CNTNAP5: variants seen among roughly 807,000 people sequenced by gnomAD.
CNTNAP5 encodes contactin associated protein family member 5, also known as contactin-associated protein-like 5.
Under a neutral mutation model 150.2 loss-of-function variants are expected in CNTNAP5, and 72 were observed. The ratio of observed to expected loss-of-function variants is 0.48; its 90% CI spans 0.40 to 0.58. CNTNAP5 has a LOEUF of 0.58. Among genes scored for constraint, CNTNAP5 ranks in the 20% least tolerant of loss-of-function variants. The pLI is 0.00. For missense variants in CNTNAP5, 1,636 were observed against 1,626.2 expected (o/e 1.01, Z -0.10); for synonymous variants, 672 against 619.8 (o/e 1.08, Z -1.25).
At chr2:124,245,596 T>TGC (rs1309903424) in intron 3 of CNTNAP5, among the ~76,000 whole-genome samples, 11 of 151,500 alleles carry the variant, frequency 7.3e-5, no homozygotes, top group Non-Finnish European at 1.6e-4. Context: ...TGTGTGTGTG[T>TGC]GTGTAAATAT....
In CNTNAP5 at chr2:124,462,029, G is replaced by T. The variant is rs541768513; in HGVS notation, c.919-12710G>T. On this transcript the variant is annotated intron_variant, in intron 6 of 23. Coordinates refer to ENST00000682447, the MANE Select transcript of CNTNAP5 (RefSeq NM_001367498.1). ...ATTATGTATGGCATTTTAAAATTTT[G>T]TTTAACCACCCAAAACAGCCCTGTG... 2.6e-5 allele frequency among the ~76,000 whole-genome samples: 4 copies of T among 151,974 alleles called. No homozygotes were observed. The East Asian group carries it at 7.7e-4, about 29-fold the overall frequency.
intron 7 of CNTNAP5, among the ~76,000 whole-genome samples, chr2:124,488,447 G>A (rs143880078): frequency 2.0e-5 from 3 of 152,278 alleles, no homozygotes; most frequent in East Asian, 1.9e-4. Context: ...TACGTAACTA[G>A]CATGTGATAG....
chr2:124,086,116 TATC>T (rs1682683677), intron 1 of CNTNAP5, among the ~76,000 whole-genome samples: 1 of 152,014 alleles, frequency 6.6e-6, no homozygotes, highest in Non-Finnish European at 1.5e-5. Flanking sequence ...CTTTCAGTTC[TATC>T]GATAGAACTG....
At chr2:124,279,433 T>C (rs1256946227) in intron 3 of CNTNAP5, among the ~76,000 whole-genome samples, 1 of 151,960 alleles carries the variant, frequency 6.6e-6, no homozygotes, top group Non-Finnish European at 1.5e-5. Flanking sequence ...TAGTATGAGC[T>C]CATATAACAG....
intron 19 of CNTNAP5, among the ~76,000 whole-genome samples, chr2:124,849,933 C>T (rs556426150): frequency 2.9e-4 from 44 of 152,274 alleles, no homozygotes; most frequent in African/African-American, 1.0e-3. Context: ...AGTATGGCTG[C>T]TAACCTTCAG....
chr2:124,551,488 G>A (rs1695627161), intron 10 of CNTNAP5, among the ~76,000 whole-genome samples: 1 of 152,158 alleles, frequency 6.6e-6, no homozygotes, highest in East Asian at 1.9e-4. Context: ...GCGGTTGGCT[G>A]CTAATTAAAG....
intron 13 of CNTNAP5, among the ~76,000 whole-genome samples, chr2:124,698,334 G>T (rs1455440027): frequency 6.8e-6 from 1 of 147,088 alleles, no homozygotes; most frequent in Non-Finnish European, 1.5e-5. Flanking sequence ...AGATGCAACT[G>T]CAAAACTCAA....
chr2:124,570,239 A>C (rs1696120667), intron 11 of CNTNAP5, among the ~76,000 whole-genome samples: 1 of 152,262 alleles, frequency 6.6e-6, no homozygotes, highest in Non-Finnish European at 1.5e-5. Context: ...TTACTGTAGC[A>C]AGAGCATTGT....
intron 3 of CNTNAP5, among the ~76,000 whole-genome samples, chr2:124,299,341 A>G (rs181959880): frequency 6.6e-6 from 1 of 151,468 alleles, no homozygotes; most frequent in East Asian, 1.9e-4. Context: ...CCCTCCTCCC[A>G]CCCTCCACCC....
At chr2:124,899,363 T>A (rs777611728) in intron 21 of CNTNAP5, among the ~76,000 whole-genome samples, 5 of 151,506 alleles carry the variant, frequency 3.3e-5, no homozygotes, top group African/African-American at 9.8e-5. Context: ...AGACCTAATT[T>A]CCAACCTGTA....
intron 19 of CNTNAP5, among the ~76,000 whole-genome samples, chr2:124,859,427 G>A (rs1451470863): frequency 6.6e-6 from 1 of 152,204 alleles, no homozygotes; most frequent in Non-Finnish European, 1.5e-5. Context: ...TGGAGAGGAT[G>A]TGGAGAAATA....
chr2:124,736,938 T>C (rs1183122966), intron 13 of CNTNAP5, among the ~76,000 whole-genome samples: 1 of 152,066 alleles, frequency 6.6e-6, no homozygotes, highest in African/African-American at 2.4e-5. Flanking sequence ...CAATGGGGAA[T>C]ACATTATACA....
At chr2:124,751,416 T>A (rs1323221399) in intron 14 of CNTNAP5, among the ~76,000 whole-genome samples, 3 of 152,204 alleles carry the variant, frequency 2.0e-5, no homozygotes, top group Non-Finnish European at 2.9e-5. Context: ...GAGCTAGCTT[T>A]GTCTGTACAA....
intron 1 of CNTNAP5, among the ~76,000 whole-genome samples, chr2:124,040,214 A>C (rs1290592334): frequency 6.6e-6 from 1 of 152,210 alleles, no homozygotes; most frequent in Admixed American, 6.5e-5. Context: ...CCTCTTTCAC[A>C]TGGTTCTTTT....
chr2:124,673,001 AT>A (rs1240189627), intron 13 of CNTNAP5, among the ~76,000 whole-genome samples: 9 of 152,190 alleles, frequency 5.9e-5, no homozygotes, highest in African/African-American at 1.7e-4. Context: ...AACAGAAAAA[AT>A]ATTTAAGTGA....
intron 19 of CNTNAP5, among the ~76,000 whole-genome samples, chr2:124,833,317 G>A (rs1184328104): frequency 6.6e-6 from 1 of 152,072 alleles, no homozygotes; most frequent in Non-Finnish European, 1.5e-5. Context: ...AACAAAGTAT[G>A]AGATCTGAGA....
rs1008930206 is a variant in CNTNAP5, at chr2:124,409,978, G to A, written c.382-7465G>A. The stretch of plus-strand genomic sequence containing the variant: ...AGCTGTATTCAGTGTGCTGTATTCA[G>A]GGAACCCATCTCACGTGCAGAGACA... On this transcript the variant is annotated intron_variant, in intron 3 of 23. Transcript: ENST00000682447. Among the ~76,000 whole-genome samples, 242 of 150,180 alleles carry A rather than the reference G, an allele frequency of 1.6e-3. 2 individuals carry two copies. The highest frequency in any genetic ancestry group is 5.5e-3 in the African/African-American group (227 of 41,144).
At chr2:124,774,379 A>G (rs1681275613) in intron 17 of CNTNAP5, among the ~76,000 whole-genome samples, 1 of 152,146 alleles carries the variant, frequency 6.6e-6, no homozygotes, top group South Asian at 2.1e-4. Flanking sequence ...AAAGAAAGCA[A>G]GTAATAGAGT....
At chr2:124,644,528 A>T (rs961096729) in intron 12 of CNTNAP5, among the ~76,000 whole-genome samples, 5 of 152,232 alleles carry the variant, frequency 3.3e-5, no homozygotes, top group Non-Finnish European at 7.3e-5. Context: ...TCAATAAATG[A>T]ATGTATGAAC....
Sources: allele counts gnomAD v4.1 joint callset (sites outside exome capture counted in the v4.1 genomes callset), GRCh38; gene constraint gnomAD v4.1.1; transcripts MANE v1.5; gene names NCBI Gene and HGNC (gene_info 2026-07-23, HGNC 2026-07-21).